Variants in IL15 observed in about 807,000 individuals in gnomAD.
IL15 encodes interleukin 15, also known as interleukin-15.
In IL15, 11 loss-of-function variants were observed where a neutral mutation model predicts 19.6. That is an observed-to-expected ratio of 0.56 (90% CI 0.35 to 0.93). IL15 has a LOEUF of 0.93. Ranked by LOEUF, IL15 falls within the 40% of genes least tolerant of loss-of-function variation. IL15 has a pLI of 0.01. For missense variants in IL15, 197 were observed against 186.5 expected, an observed-to-expected ratio of 1.06 and a Z score of -0.33; for synonymous variants, 58 against 59.6, an observed-to-expected ratio of 0.97 and a Z score of 0.12.
intron 2 of IL15, among the ~76,000 whole-genome samples, chr4:141,712,558 A>T (rs926304457): frequency 3.3e-5 from 5 of 150,686 alleles, no homozygotes; most frequent in African/African-American, 1.2e-4. Context: ...TTAAACAATA[A>T]GCTACCTGAG....
chr4:141,710,846 G>T (rs1051979609), intron 2 of IL15, among the ~76,000 whole-genome samples: 1 of 151,742 alleles, frequency 6.6e-6, no homozygotes, highest in South Asian at 2.1e-4. Flanking sequence ...TAGCATAAGT[G>T]TATTTCAAAT....
At position 141,659,683 on chromosome 4, in the gene IL15, T is replaced by A. The variant is rs535273086; in HGVS notation, c.-100+3376T>A. Among the ~76,000 whole-genome samples the A allele has an allele frequency of 3.1e-4, 47 of 152,354 alleles. 1 individual carries two copies. Among genetic ancestry groups the A allele is most frequent in the Admixed American group, 2.5e-3 (38 of 15,308 alleles). On this transcript the variant is annotated intron_variant, in intron 2 of 7. Coordinates refer to ENST00000320650, the MANE Select transcript of IL15 (RefSeq NM_000585.5). The stretch of plus-strand genomic sequence containing the variant: ...TGAATAAACATTCTTTTTAAAAAAA[T>A]TTATTCTGATCAATTCTGTGGCAAA...
At chr4:141,694,837 T>C (rs1389955117) in intron 2 of IL15, among the ~76,000 whole-genome samples, 1 of 152,236 alleles carries the variant, frequency 6.6e-6, no homozygotes, top group Non-Finnish European at 1.5e-5. Flanking sequence ...GTTTCACCCA[T>C]CTTAATAGAT....
At position 141,733,054 on chromosome 4, in the gene IL15, G is replaced by A; in HGVS notation, c.*206G>A. On this transcript the variant is annotated 3_prime_UTR_variant, in exon 8 of 8. Transcript: ENST00000320650. The stretch of plus-strand genomic sequence containing the variant: ...ATATAGTGACTATGAACTTCTCTCA[G>A]ACTTACTTTACTCATTTTTTTAATT... 1.9e-6 allele frequency: 1 copy of A among 532,066 alleles called. No individual in the cohort carries two copies. The highest frequency in any genetic ancestry group is 2.9e-6 in the Non-Finnish European group (1 of 350,676). The allele number at this position is 532,066 out of a possible 1,614,324, so 33.0% of individuals were successfully genotyped here. A position where few individuals can be genotyped will look rare whatever the true frequency, so the allele number is the denominator to read the frequency against.
intron 2 of IL15, among the ~76,000 whole-genome samples, chr4:141,681,065 T>C (rs988150838): frequency 1.3e-5 from 2 of 152,166 alleles, no homozygotes; most frequent in African/African-American, 4.8e-5. Context: ...GCCCAGCCAA[T>C]ATGCATTTAT....
At chr4:141,720,652 G>C in intron 4 of IL15, 86 bp downstream of exon 4, 1 of 826,790 alleles carries the variant, frequency 1.2e-6, no homozygotes, top group South Asian at 1.4e-5. Flanking sequence ...ATTAGTTTAC[G>C]TTCAGTTTGC....
chr4:141,705,310 T>G (rs955174029), intron 2 of IL15, among the ~76,000 whole-genome samples: 3 of 151,990 alleles, frequency 2.0e-5, no homozygotes, highest in Admixed American at 2.0e-4. Flanking sequence ...GGAAATTTTT[T>G]TTCACTTTTA....
At chr4:141,708,473 T>A (rs999374335) in intron 2 of IL15, among the ~76,000 whole-genome samples, 7 of 152,122 alleles carry the variant, frequency 4.6e-5, no homozygotes, top group Non-Finnish European at 1.0e-4. Context: ...TGTGAGGCAG[T>A]GCAGCTGTAC....
In IL15 at chr4:141,733,520, G is replaced by T. The variant is rs1237034277; in HGVS notation, c.*672G>T. 1.3e-5 allele frequency: 2 copies of T among 152,242 alleles called. No homozygotes were observed. The highest frequency in any genetic ancestry group is 3.8e-4 in the East Asian group (2 of 5,208). The allele number at this position is 152,242 out of a possible 1,614,324, so 9.4% of individuals were successfully genotyped here. A position where few individuals can be genotyped will look rare whatever the true frequency, so the allele number is the denominator to read the frequency against. On this transcript the variant is annotated 3_prime_UTR_variant, in exon 8 of 8. Coordinates refer to ENST00000320650, the MANE Select transcript of IL15 (RefSeq NM_000585.5). ...AATAATAAACTTCTACTGATAGGTA[G>T]AATGGTGTGCAAGCTTGTCCAATCA...
At chr4:141,664,290 T>C (rs1227637965) in intron 2 of IL15, among the ~76,000 whole-genome samples, 2 of 141,568 alleles carry the variant, frequency 1.4e-5, no homozygotes, top group African/African-American at 5.3e-5. Context: ...GCATCTAAAA[T>C]AGGAAAAACA....
intron 2 of IL15, chr4:141,688,893 C>A: frequency 6.2e-6 from 1 of 160,094 alleles, no homozygotes; most frequent in Non-Finnish European, 1.3e-5. Flanking sequence ...AATGAAGCCG[C>A]GGACCCTCGC....
chr4:141,710,336 C>T (rs1729674618), intron 2 of IL15, among the ~76,000 whole-genome samples: 1 of 152,154 alleles, frequency 6.6e-6, no homozygotes, highest in African/African-American at 2.4e-5. Flanking sequence ...TAACTTTTAT[C>T]CATGTGCATT....
At chr4:141,655,779 C>T (rs983889405) in intron 1 of IL15, among the ~76,000 whole-genome samples, 2 of 152,100 alleles carry the variant, frequency 1.3e-5, no homozygotes, top group Non-Finnish European at 2.9e-5. Context: ...TAAACGTTTA[C>T]AACTTATTTT....
chr4:141,698,723 C>G (rs1013825133), intron 2 of IL15, among the ~76,000 whole-genome samples: 5 of 151,990 alleles, frequency 3.3e-5, no homozygotes, highest in Non-Finnish European at 5.9e-5. Context: ...TGAATCGTCT[C>G]TCTTCTTGGT....
At chr4:141,706,341 TC>T (rs1185746378) in intron 2 of IL15, among the ~76,000 whole-genome samples, 3 of 152,078 alleles carry the variant, frequency 2.0e-5, no homozygotes, top group Non-Finnish European at 4.4e-5. Context: ...TTTTCTCTTT[TC>T]TTTACTATTT....
At chr4:141,690,828 CTAG>C (rs1187963129) in intron 2 of IL15, among the ~76,000 whole-genome samples, 10 of 152,134 alleles carry the variant, frequency 6.6e-5, no homozygotes, top group Non-Finnish European at 1.3e-4. Flanking sequence ...ACTTTATGTG[CTAG>C]TAAAATTGAA....
At chr4:141,676,147 A>C (rs1272029101) in intron 2 of IL15, among the ~76,000 whole-genome samples, 1 of 152,210 alleles carries the variant, frequency 6.6e-6, no homozygotes, top group African/African-American at 2.4e-5. Context: ...ATATTTAGAA[A>C]GTTTTAAGGA....
At chr4:141,722,041 A>G (rs1337663171) in intron 5 of IL15, 33 bp downstream of exon 5, 1 of 1,549,364 alleles carries the variant, frequency 6.5e-7, no homozygotes, top group Non-Finnish European at 8.8e-7. Context: ...AATGCCTGGT[A>G]TAACTGCTAT....
intron 2 of IL15, 75 bp from the exon 3 acceptor site, chr4:141,719,291 A>C (rs1168520980): frequency 2.6e-5 from 13 of 497,122 alleles, no homozygotes; most frequent in Non-Finnish European, 4.3e-5. Flanking sequence ...GTAGGTGTTC[A>C]ATAAGTATTA....
Sources: allele counts gnomAD v4.1 joint callset (sites outside exome capture counted in the v4.1 genomes callset), GRCh38; gene constraint gnomAD v4.1.1; transcripts MANE v1.5; gene names NCBI Gene and HGNC (gene_info 2026-07-23, HGNC 2026-07-21).